The following SLCO5A1 variants were observed in gnomAD, a reference collection of about 807,000 sequenced individuals.
SLCO5A1 encodes solute carrier organic anion transporter family member 5A1, also known as organic anion transporter polypeptide-related protein 4.
SLCO5A1 carries 39 observed loss-of-function variants against 65.1 expected under a neutral mutation model. The observed-to-expected ratio is 0.60, with a 90% CI of 0.46 to 0.78. The LOEUF (loss-of-function observed/expected upper bound fraction) is 0.78, where lower values mean the gene tolerates loss of function less well. Among genes scored for constraint, SLCO5A1 ranks in the 30% least tolerant of loss-of-function variants. The pLI, the probability that SLCO5A1 is intolerant of heterozygous loss-of-function variation, is 0.00. For missense variants in SLCO5A1, 1,029 were observed against 1,069.4 expected (o/e 0.96, Z 0.53); for synonymous variants, 438 against 415.7 (o/e 1.05, Z -0.65).
At position 69,705,130 on chromosome 8, in the gene SLCO5A1, A is replaced by T. The variant is rs1167139966; in HGVS notation, c.1523T>A (p.Met508Lys). Reference sequence around the variant, plus strand: ...TAGTAAAGACACACCACTGCAGATCATTGCTAGTTTTGCAGATTCTCTGGC... The same window carrying T: ...TAGTAAAGACACACCACTGCAGATCTTTGCTAGTTTTGCAGATTCTCTGGC... ...LGARESAKLAMICSGVSLLCF... is the reference protein window; with the variant it reads ...LGARESAKLAKICSGVSLLCF... The change falls in exon 6 of 10, where the codon ATG (methionine) becomes AAG (lysine). Residue 508 changes from methionine to lysine, a missense_variant. This residue lies in a region of SLCO5A1 where 647 missense variants were observed against 647.5 expected (regional missense o/e 1.00). Transcript: ENST00000260126. The T allele has an allele frequency of 6.2e-7, 1 of 1,614,198 alleles. No homozygotes were observed. Among genetic ancestry groups the T allele is most frequent in the Non-Finnish European group, 8.5e-7 (1 of 1,180,020 alleles).
At chr8:69,817,919 T>C (rs1820471896) in intron 2 of SLCO5A1, among the ~76,000 whole-genome samples, 1 of 152,152 alleles carries the variant, frequency 6.6e-6, no homozygotes, top group African/African-American at 2.4e-5. Flanking sequence ...CAAGGGGCCT[T>C]AGAAGGTGAG....
intron 6 of SLCO5A1, among the ~76,000 whole-genome samples, chr8:69,697,818 C>T (rs1814564097): frequency 6.6e-6 from 1 of 151,928 alleles, no homozygotes; most frequent in African/African-American, 2.4e-5. Flanking sequence ...TTTCCAAGTC[C>T]CCAGAAAGAT....
chr8:69,832,536 G>A lies in SLCO5A1; in HGVS notation c.138C>T (p.Cys46=). The change falls in exon 2 of 10, where the codon TGC becomes TGT. Residue 46 remains cysteine (C), a synonymous_variant. Transcript: ENST00000260126. The surrounding 1 kb of genome is among the most constrained non-coding windows in gnomAD (Gnocchi z 4.5). ...KSLPVLSSAS[C]RPSLSPTSGD... is the part of the protein sequence containing the mutation. ...CACTAGTGGGACTGAGGCTTGGCCG[G>A]CAGGAGGCGCTGCTGAGGACCGGTA... 2 of 1,607,714 alleles carry A rather than the reference G, an allele frequency of 1.2e-6. No homozygotes were observed. The highest frequency in any genetic ancestry group is 1.7e-6 in the Non-Finnish European group (2 of 1,177,330).
intron 2 of SLCO5A1, among the ~76,000 whole-genome samples, chr8:69,815,170 G>T (rs1820352714): frequency 1.3e-5 from 2 of 152,102 alleles, no homozygotes; most frequent in African/African-American, 4.8e-5. Context: ...ACCATAAAAA[G>T]GTTAAGTATT....
At chr8:69,702,688 A>G (rs962869532) in intron 6 of SLCO5A1, among the ~76,000 whole-genome samples, 1 of 152,250 alleles carries the variant, frequency 6.6e-6, no homozygotes, top group African/African-American at 2.4e-5. Context: ...AAAGTGGAAC[A>G]TTTTAGAACA....
chr8:69,752,778 G>T (rs1817373347), intron 4 of SLCO5A1, among the ~76,000 whole-genome samples: 2 of 152,298 alleles, frequency 1.3e-5, no homozygotes, highest in East Asian at 1.9e-4. Flanking sequence ...GTGTGTCCCA[G>T]TCAGGAGGTT....
chr8:69,680,868 CT>C (rs1037171704), intron 7 of SLCO5A1, among the ~76,000 whole-genome samples: 1 of 152,196 alleles, frequency 6.6e-6, no homozygotes, highest in Non-Finnish European at 1.5e-5. Flanking sequence ...TGCTCCTGGA[CT>C]GTGACAGAGT....
chr8:69,688,040 G>A (rs1814075863), intron 6 of SLCO5A1, among the ~76,000 whole-genome samples: 1 of 151,840 alleles, frequency 6.6e-6, no homozygotes, highest in African/African-American at 2.4e-5. Context: ...TTAGATCTTG[G>A]TTACAAAATT....
intron 2 of SLCO5A1, among the ~76,000 whole-genome samples, chr8:69,828,372 G>T (rs1195986597): frequency 6.6e-6 from 1 of 152,118 alleles, no homozygotes; most frequent in Non-Finnish European, 1.5e-5. Context: ...GGAGGCCAAG[G>T]CGGGTGGATC....
rs1035641021 is a variant in SLCO5A1 at position 69,672,745 on chromosome 8, T to C, written c.*124A>G. 1.8e-5 allele frequency: 19 copies of C among 1,064,794 alleles called. No individual in the cohort carries two copies. The highest frequency in any genetic ancestry group is 2.4e-5 in the Non-Finnish European group (18 of 760,778). The allele number at this position is 1,064,794 out of a possible 1,614,324, so 66.0% of individuals were successfully genotyped here. A position where few individuals can be genotyped will look rare whatever the true frequency, so the allele number is the denominator to read the frequency against. On this transcript the variant is annotated 3_prime_UTR_variant, in exon 10 of 10. Transcript: ENST00000260126. ...AATAGCGGCTGTGTATACTGAGTTTTGTTGGTTTGAGGATTGTGTCTGTAG... is the reference window on the plus strand; with the variant it reads ...AATAGCGGCTGTGTATACTGAGTTTCGTTGGTTTGAGGATTGTGTCTGTAG...
intron 2 of SLCO5A1, among the ~76,000 whole-genome samples, chr8:69,821,415 G>C (rs1820635099): frequency 6.6e-6 from 1 of 151,554 alleles, no homozygotes; most frequent in South Asian, 2.1e-4. Flanking sequence ...TAAAGAAGAG[G>C]AAGAAGAAGA....
chr8:69,757,618 G>A (rs1936378690), intron 3 of SLCO5A1, among the ~76,000 whole-genome samples: 1 of 152,248 alleles, frequency 6.6e-6, no homozygotes, highest in Admixed American at 6.5e-5. Flanking sequence ...GGCAGAGGTT[G>A]CAGTGAGCTG....
rs1178481715 is a variant in SLCO5A1 at position 69,682,327 on chromosome 8, G to C, written c.1639C>G (p.Pro547Ala). ...CAGCTTCCTGTCAGATTCCTATGGGGCATGGTGAGAGAAGGTCTAAGAGAG... is the reference window on the plus strand; with the variant it reads ...CAGCTTCCTGTCAGATTCCTATGGGCCATGGTGAGAGAAGGTCTAAGAGAG... ...PYTTGPSLTM[P>A]HRNLTGSCNV... is the part of the protein sequence containing the mutation. Residue 547 changes from proline to alanine, a missense_variant, in exon 7 of 10, where the codon CCC becomes GCC. Around this residue, in one of 3 missense-constraint regions of SLCO5A1, gnomAD observed 124 missense variants for 184.5 expected, o/e 0.67. Coordinates refer to ENST00000260126, the MANE Select transcript of SLCO5A1 (RefSeq NM_030958.3). 4 of 1,605,914 alleles carry C rather than the reference G, an allele frequency of 2.5e-6. No homozygotes were observed. The highest frequency in any genetic ancestry group is 3.4e-6 in the Non-Finnish European group (4 of 1,176,876).
chr8:69,814,677 G>C (rs1233062031), intron 2 of SLCO5A1, among the ~76,000 whole-genome samples: 2 of 152,132 alleles, frequency 1.3e-5, no homozygotes, highest in Non-Finnish European at 2.9e-5. Context: ...TACCCAAAGT[G>C]AGTTACCAAA....
chr8:69,756,397 G>A (rs1352431235), intron 3 of SLCO5A1, among the ~76,000 whole-genome samples: 1 of 151,972 alleles, frequency 6.6e-6, no homozygotes, highest in Non-Finnish European at 1.5e-5. Flanking sequence ...GGGTGACAGA[G>A]CAAAACTTAA....
chr8:69,709,452 G>A (rs571615176), intron 5 of SLCO5A1, among the ~76,000 whole-genome samples: 22 of 152,318 alleles, frequency 1.4e-4, no homozygotes, highest in African/African-American at 4.3e-4. Context: ...ATCCGTGGGT[G>A]AGTAGTAGCT....
intron 2 of SLCO5A1, among the ~76,000 whole-genome samples, chr8:69,787,575 T>C (rs1471440788): frequency 6.6e-6 from 1 of 152,220 alleles, no homozygotes; most frequent in Non-Finnish European, 1.5e-5. Flanking sequence ...AACATCCCAA[T>C]GAAGTCTGGA....
At chr8:69,715,802 T>C (rs1586718404) in intron 5 of SLCO5A1, among the ~76,000 whole-genome samples, 1 of 152,212 alleles carries the variant, frequency 6.6e-6, no homozygotes, top group Admixed American at 6.5e-5. Flanking sequence ...TGTGTTTCTT[T>C]TTTTTAATTG....
intron 7 of SLCO5A1, among the ~76,000 whole-genome samples, chr8:69,681,037 G>A (rs528443524): frequency 2.3e-4 from 35 of 152,162 alleles, no homozygotes; most frequent in African/African-American, 7.2e-4. Flanking sequence ...AAAGGACTTC[G>A]CCACCAAGAG....
Sources: allele counts gnomAD v4.1 joint callset (sites outside exome capture counted in the v4.1 genomes callset), GRCh38; gene constraint gnomAD v4.1.1; regional missense constraint gnomAD v4.1.1; non-coding constraint Gnocchi (gnomAD v3.1); transcripts MANE v1.5; gene names NCBI Gene and HGNC (gene_info 2026-07-23, HGNC 2026-07-21).